Variants in APLF observed in about 807,000 individuals in gnomAD.
APLF encodes the protein aprataxin and PNKP like factor.
Under a neutral mutation model 55.6 loss-of-function variants are expected in APLF, and 61 were observed. The ratio of observed to expected loss-of-function variants is 1.10; its 90% CI spans 0.89 to 1.36. APLF has a LOEUF of 1.36. APLF is among the 40% of genes most tolerant of loss of function. The pLI, the probability that APLF is intolerant of heterozygous loss-of-function variation, is 0.00. For synonymous variants in APLF, 207 were observed against 214.8 expected, an observed-to-expected ratio of 0.96 and a Z score of 0.32; for missense variants, 611 against 602.5, an observed-to-expected ratio of 1.01 and a Z score of -0.15.
chr2:68,491,643 T>A (rs1676364425), intron 2 of APLF, among the ~76,000 whole-genome samples: 1 of 152,216 alleles, frequency 6.6e-6, no homozygotes, highest in Non-Finnish European at 1.5e-5. Flanking sequence ...TTTATTTATA[T>A]AGATTTAGGG....
In APLF at chr2:68,529,227, G is replaced by A. The variant is rs1365709723; in HGVS notation, c.804+2985G>A. The A allele has an allele frequency of 4.8e-6, 6 of 1,245,544 alleles. No individual in the cohort carries two copies. The highest frequency in any genetic ancestry group is 6.5e-6 in the Non-Finnish European group (6 of 925,768). The allele number at this position is 1,245,544 out of a possible 1,614,324, so 77.2% of individuals were successfully genotyped here. Reference sequence around the variant, plus strand: ...GGGGTGCCCGTGTTCCAAGGGATAAGACACAGCCTCATAAGGGTGCCGTCC... The same window carrying A: ...GGGGTGCCCGTGTTCCAAGGGATAAAACACAGCCTCATAAGGGTGCCGTCC... On this transcript the variant is annotated intron_variant, in intron 6 of 9. Coordinates refer to ENST00000303795, the MANE Select transcript of APLF (RefSeq NM_173545.3). This position sits in a 1 kb window ranked among gnomAD's most constrained non-coding sequence, Gnocchi z 4.4.
Position 68,495,396 on chromosome 2 carries a change from G to A in APLF, c.168+5135G>A, listed in dbSNP as rs1676513813. ...CAACACAAGTTCAAAACCCATTAGG[G>A]CAGTCAGTAAGTCTCAAAGCTCCAA... On this transcript the variant is annotated intron_variant, in intron 2 of 9. Coordinates refer to ENST00000303795, the MANE Select transcript of APLF (RefSeq NM_173545.3). Among the ~76,000 whole-genome samples the A allele has an allele frequency of 3.9e-5, 6 of 152,296 alleles. No homozygotes were observed. In the South Asian group the frequency reaches 1.2e-3, roughly 32 times the overall value.
rs1670180594 is a variant in APLF, at chr2:68,529,432, C to G, written c.804+3190C>G. The G allele has an allele frequency of 1.7e-6, 2 of 1,203,454 alleles. No homozygotes were observed. Among genetic ancestry groups the G allele is most frequent in the Non-Finnish European group, 2.1e-6 (2 of 967,344 alleles). 74.5% of individuals were successfully genotyped at this position (1,203,454 alleles called of 1,614,324 possible). A position where few individuals can be genotyped will look rare whatever the true frequency, so the allele number is the denominator to read the frequency against. On this transcript the variant is annotated intron_variant, in intron 6 of 9. Coordinates refer to ENST00000303795, the MANE Select transcript of APLF (RefSeq NM_173545.3). This position sits in a 1 kb window ranked among gnomAD's most constrained non-coding sequence, Gnocchi z 4.4. ...GGCATGGCCAGGACCTGCGGCGGAA[C>G]CAGGAACAAAATACGCTTAGTGAGT... is the stretch of plus-strand genomic sequence containing the variant.
chr2:68,523,935 G>A (rs1479416494), intron 5 of APLF, among the ~76,000 whole-genome samples: 1 of 151,020 alleles, frequency 6.6e-6, no homozygotes, highest in African/African-American at 2.4e-5. Flanking sequence ...AGTCCCTAGA[G>A]GTGGTTGATA....
At chr2:68,469,999 G>T (rs111250663) in intron 1 of APLF, among the ~76,000 whole-genome samples, 2,073 of 152,238 alleles carry the variant, frequency 0.014, 42 homozygotes, top group African/African-American at 0.046. Context: ...TTTTATGGTG[G>T]TAGGAAAACA....
chr2:68,496,349 C>T (rs1676546559), intron 2 of APLF, among the ~76,000 whole-genome samples: 1 of 152,188 alleles, frequency 6.6e-6, no homozygotes, highest in African/African-American at 2.4e-5. Context: ...AGGTGATTCA[C>T]CAGCCTCAGC....
At chr2:68,521,894 A>G (rs1028231936) in intron 5 of APLF, among the ~76,000 whole-genome samples, 66 of 152,014 alleles carry the variant, frequency 4.3e-4, no homozygotes, top group African/African-American at 1.5e-3. Flanking sequence ...TAATTGGACT[A>G]CAGTTCAAAA....
intron 5 of APLF, among the ~76,000 whole-genome samples, chr2:68,518,754 T>TC (rs1466575992): frequency 1.1e-3 from 129 of 121,000 alleles, no homozygotes; most frequent in Middle Eastern, 0.012. Context: ...CATTAATATA[T>TC]AATAAAATAT....
rs185424489 is a variant in APLF at position 68,538,166 on chromosome 2, C to G, written c.1099C>G (p.Gln367Glu). The G allele has an allele frequency of 6.2e-7, 1 of 1,613,812 alleles. No homozygotes were observed. Among genetic ancestry groups the G allele is most frequent in the Non-Finnish European group, 8.5e-7 (1 of 1,179,958 alleles). The change falls in exon 7 of 10, where the codon CAA becomes GAA. Residue 367 changes from glutamine (Q) to glutamate (E), a missense_variant. Transcript: ENST00000303795. ...TGCAAAGGCAACTGATTCAGTTCTA[C>G]AAGGTTCTGAAGGAAACAAGGTCAA... Reference protein sequence around the residue: ...LHAKATDSVLQGSEGNKVKRT... With the variant: ...LHAKATDSVLEGSEGNKVKRT...
In APLF at chr2:68,526,219, G is replaced by T; in HGVS notation, c.781G>T (p.Glu261Ter). The part of the protein sequence containing the change: ...TGEECKNTDQ[E>*]ESTISSKEMP... ...AGAAGAGTGCAAAAATACTGATCAG[G>T]AAGAGTCTACCATTTCATCCAAGGT... The change falls in exon 6 of 10, where the codon GAA becomes TAA. Residue 261 changes from glutamate to a stop codon, truncating the protein, a stop_gained. Transcript: ENST00000303795. LOFTEE classifies it high-confidence loss of function. The T allele has an allele frequency of 1.2e-6, 2 of 1,608,894 alleles. No individual in the cohort carries two copies. Among genetic ancestry groups the T allele is most frequent in the Non-Finnish European group, 1.7e-6 (2 of 1,178,576 alleles).
Position 68,534,741 on chromosome 2 carries a change from T to TG in APLF, c.805-3130dup, listed in dbSNP as rs1473888761. 2.6e-5 allele frequency among the ~76,000 whole-genome samples: 4 copies of TG among 152,274 alleles called. No individual in the cohort carries two copies. In the South Asian group the frequency reaches 6.2e-4, roughly 24 times the overall value. On this transcript the variant is annotated intron_variant, in intron 6 of 9. Transcript: ENST00000303795. Reference sequence around the variant, plus strand: ...TTCATCTAATGTAAGAAATAAGCAATGTGGGATGCTTAGGAAATATAGAGC... The same window carrying TG: ...TTCATCTAATGTAAGAAATAAGCAATGGTGGGATGCTTAGGAAATATAGAGC...
At chr2:68,518,299 A>T (rs1442502580) in intron 5 of APLF, among the ~76,000 whole-genome samples, 13 of 114,856 alleles carry the variant, frequency 1.1e-4, no homozygotes, top group Non-Finnish European at 1.6e-4. Context: ...ATATATTAAT[A>T]TATTATATAT....
intron 3 of APLF, among the ~76,000 whole-genome samples, chr2:68,510,167 T>G (rs1004939834): frequency 4.0e-4 from 61 of 151,746 alleles, no homozygotes; most frequent in African/African-American, 1.4e-3. Context: ...TGTATACATA[T>G]GTAACAAACC....
chr2:68,473,554 A>G (rs950871811), intron 1 of APLF, among the ~76,000 whole-genome samples: 1 of 152,206 alleles, frequency 6.6e-6, no homozygotes, highest in African/African-American at 2.4e-5. Context: ...GTAAAGTTGT[A>G]TAGTAATAGT....
At chr2:68,571,199 T>G (rs549884268) in intron 9 of APLF, among the ~76,000 whole-genome samples, 75 of 152,206 alleles carry the variant, frequency 4.9e-4, no homozygotes, top group Admixed American at 1.3e-3. Flanking sequence ...TATTAGCCCT[T>G]TGTCAGGTGA....
chr2:68,488,528 G>T (rs1219858792), intron 1 of APLF, among the ~76,000 whole-genome samples: 2 of 151,682 alleles, frequency 1.3e-5, no homozygotes, highest in Non-Finnish European at 2.9e-5. Context: ...AGAGATGGGG[G>T]TCTCACTGTG....
intron 8 of APLF, among the ~76,000 whole-genome samples, chr2:68,560,166 T>C (rs1671131518): frequency 6.6e-6 from 1 of 152,152 alleles, no homozygotes. Flanking sequence ...TCTTTATTTT[T>C]CTTCATGGCA....
intron 8 of APLF, among the ~76,000 whole-genome samples, chr2:68,549,466 A>C (rs1670795718): frequency 6.6e-6 from 1 of 152,070 alleles, no homozygotes; most frequent in Non-Finnish European, 1.5e-5. Flanking sequence ...TATCTATTAT[A>C]ATTATCATTA....
At chr2:68,473,717 G>A (rs1337536989) in intron 1 of APLF, among the ~76,000 whole-genome samples, 1 of 152,166 alleles carries the variant, frequency 6.6e-6, no homozygotes, top group Non-Finnish European at 1.5e-5. Context: ...TCTAATAGAT[G>A]TGAGGTAAAT....
Sources: gnomAD v4.1 joint callset for allele counts (sites outside exome capture counted in the v4.1 genomes callset) on GRCh38, gnomAD v4.1.1 for gene constraint, Gnocchi (gnomAD v3.1) non-coding constraint, MANE v1.5 for transcripts, NCBI Gene and HGNC (gene_info 2026-07-23, HGNC 2026-07-21) for gene names.